CSMD3: variants seen among roughly 807,000 people sequenced by gnomAD.
CSMD3 encodes CUB and Sushi multiple domains 3.
A neutral mutation model predicts 435.2 loss-of-function variants in CSMD3; 177 were observed. The observed-to-expected ratio is 0.41, with a 90% CI of 0.36 to 0.46. CSMD3 has a LOEUF of 0.46. Ranked by LOEUF, CSMD3 falls within the 20% of genes least tolerant of loss-of-function variation. The probability of loss-of-function intolerance (pLI) is 0.34; values close to 1 mark genes in which losing one functional copy is unlikely to be tolerated. For missense variants in CSMD3, 4,265 were observed against 4,504.6 expected, an observed-to-expected ratio of 0.95 and a Z score of 1.52; for synonymous variants, 1,656 against 1,520.5, an observed-to-expected ratio of 1.09 and a Z score of -2.07.
chr8:113,290,090 T>C (rs1253358275), intron 2 of CSMD3, among the ~76,000 whole-genome samples: 6 of 151,762 alleles, frequency 4.0e-5, no homozygotes, highest in Non-Finnish European at 7.4e-5. Context: ...TAAATAATCT[T>C]TGTGATATGT....
chr8:112,394,624 A>G (rs1235849573), intron 35 of CSMD3, among the ~76,000 whole-genome samples: 4 of 152,076 alleles, frequency 2.6e-5, no homozygotes, highest in African/African-American at 7.2e-5. Flanking sequence ...TTGCTCACCA[A>G]CAAGAAAGAC....
rs767128581 is a variant in CSMD3, at chr8:113,278,673, T to A, written c.433A>T (p.Thr145Ser). 14 of 1,591,216 alleles carry A rather than the reference T, an allele frequency of 8.8e-6. No homozygotes were observed. The highest frequency in any genetic ancestry group is 1.2e-5 in the Non-Finnish European group (14 of 1,159,684). ...LTGFHLPPPV[T>S]STKSVFSLRL... is the part of the protein sequence containing the mutation. ...AGTGAGAACACAGATTTGGTACTTG[T>A]CACTGGAGGTGGCAGATGGAATCCT... Residue 145 changes from threonine (T) to serine (S), a missense_variant, in exon 3 of 71, where the codon ACA (threonine) becomes TCA (serine). By Grantham distance (58) the Thr-to-Ser change is moderately conservative. Coordinates refer to ENST00000297405, the MANE Select transcript of CSMD3 (RefSeq NM_198123.2).
rs184043781 is a variant in CSMD3, at chr8:112,781,933, A to G, written c.1972+18229T>C. Among the ~76,000 whole-genome samples, 589 of 152,286 alleles carry G rather than the reference A, an allele frequency of 3.9e-3. 17 individuals carry two copies. The highest frequency in any genetic ancestry group is 0.036 in the Admixed American group (543 of 15,280). ...ACAAAATACTTAATCACAATACTCA[A>G]TGCTTTTTGATTACTTGGAAAGTCT... On this transcript the variant is annotated intron_variant, in intron 13 of 70. Transcript: ENST00000297405.
At chr8:112,487,137 G>A (rs925586328) in intron 31 of CSMD3, among the ~76,000 whole-genome samples, 2 of 152,130 alleles carry the variant, frequency 1.3e-5, no homozygotes, top group Non-Finnish European at 2.9e-5. Flanking sequence ...ATTTACATTT[G>A]AAAGTTATGA....
chr8:112,986,075 CT>C (rs2085244044), intron 6 of CSMD3, among the ~76,000 whole-genome samples: 1 of 152,122 alleles, frequency 6.6e-6, no homozygotes, highest in African/African-American at 2.4e-5. Flanking sequence ...CATTTAACTG[CT>C]TCAACCACAT....
intron 36 of CSMD3, among the ~76,000 whole-genome samples, chr8:112,384,556 A>G (rs1482903421): frequency 6.6e-6 from 1 of 152,200 alleles, no homozygotes; most frequent in African/African-American, 2.4e-5. Flanking sequence ...AACTTTATTA[A>G]AAGTTTTTTA....
chr8:112,433,213 CTT>C (rs991221702), intron 32 of CSMD3, among the ~76,000 whole-genome samples: 49 of 150,944 alleles, frequency 3.2e-4, no homozygotes, highest in African/African-American at 1.1e-3. Context: ...GACAGAATAA[CTT>C]AGCATTGCAA....
chr8:112,862,062 T>C (rs532816317), intron 10 of CSMD3, among the ~76,000 whole-genome samples: 31 of 151,982 alleles, frequency 2.0e-4, no homozygotes, highest in Non-Finnish European at 3.5e-4. Context: ...TTCATAAATA[T>C]GTTTCACAGT....
chr8:112,636,852 C>A lies in CSMD3; in HGVS notation c.3680G>T (p.Arg1227Leu). 6.2e-7 allele frequency: 1 copy of A among 1,613,232 alleles called. No individual in the cohort carries two copies. The highest frequency in any genetic ancestry group is 8.5e-7 in the Non-Finnish European group (1 of 1,179,632). Reference protein sequence around the residue: ...TSEIICLGGGRRVWSAPLPRC... With the variant: ...TSEIICLGGGLRVWSAPLPRC... ...TGGCAGAGGTGCACTCCACACTCGT[C>A]GGCCACCACCAAGACAGATGATCTC... The change falls in exon 22 of 71, where the codon CGA (arginine) becomes CTA (leucine). Residue 1227 changes from arginine (R) to leucine (L), a missense_variant. Arg to Leu is a moderately radical substitution (Grantham distance 102). This residue lies in a region of CSMD3 where 3,255 missense variants were observed against 3,380.2 expected (regional missense o/e 0.96). Transcript: ENST00000297405.
At chr8:112,502,678 T>TG (rs2130909122) in intron 30 of CSMD3, among the ~76,000 whole-genome samples, 4 of 152,114 alleles carry the variant, frequency 2.6e-5, no homozygotes, top group African/African-American at 9.6e-5. Context: ...TTTGATTTTT[T>TG]AAAGTAAGAA....
intron 32 of CSMD3, among the ~76,000 whole-genome samples, chr8:112,456,115 GA>G (rs1217681606): frequency 9.2e-5 from 14 of 151,676 alleles, no homozygotes; most frequent in South Asian, 2.1e-4. Flanking sequence ...TTGGAAGCCG[GA>G]AAAAAAATGT....
rs150619272 is a variant in CSMD3, at chr8:112,563,686, T to A, written c.4043-6732A>T. On this transcript the variant is annotated intron_variant, in intron 24 of 70. Coordinates refer to ENST00000297405, the MANE Select transcript of CSMD3 (RefSeq NM_198123.2). Reference sequence around the variant, plus strand: ...AATCTAAATATATCCAGAAATTGAATTTTATTAGATATTGCCAAATTAATC... The same window carrying A: ...AATCTAAATATATCCAGAAATTGAAATTTATTAGATATTGCCAAATTAATC... Among the ~76,000 whole-genome samples, 41 of 152,112 alleles carry A rather than the reference T, an allele frequency of 2.7e-4. No individual in the cohort carries two copies. The East Asian group carries it at 7.8e-3, about 29-fold the overall frequency.
chr8:112,876,462 G>C (rs2446467), intron 10 of CSMD3, among the ~76,000 whole-genome samples: 2 of 151,976 alleles, frequency 1.3e-5, no homozygotes, highest in African/African-American at 4.8e-5. Flanking sequence ...ATCCAGCAGC[G>C]TTATCAAAAA....
At chr8:113,122,941 CA>C (rs201873549) in intron 4 of CSMD3, among the ~76,000 whole-genome samples, 403 of 136,430 alleles carry the variant, frequency 3.0e-3, no homozygotes, top group African/African-American at 4.0e-3. Flanking sequence ...GGAAATAAGG[CA>C]AAAAAAAAAA....
chr8:113,128,562 A>C (rs2091203004), intron 4 of CSMD3, among the ~76,000 whole-genome samples: 2 of 152,124 alleles, frequency 1.3e-5, no homozygotes, highest in Non-Finnish European at 1.5e-5. Flanking sequence ...GAGAAGGAAG[A>C]CCTAGATGCA....
intron 30 of CSMD3, among the ~76,000 whole-genome samples, chr8:112,501,077 A>G (rs1270234711): frequency 5.9e-5 from 9 of 151,854 alleles, no homozygotes; most frequent in Middle Eastern, 3.4e-3. Flanking sequence ...CTCTCTTACG[A>G]AACAGAGAGA....
At chr8:113,387,667 G>A (rs1260136302) in intron 1 of CSMD3, among the ~76,000 whole-genome samples, 1 of 150,956 alleles carries the variant, frequency 6.6e-6, no homozygotes, top group Admixed American at 6.6e-5. Context: ...GGAGGATCCA[G>A]AAAGAAAAAG....
intron 2 of CSMD3, among the ~76,000 whole-genome samples, chr8:113,300,176 A>AAAAAAAC (rs1554602392): frequency 6.7e-6 from 1 of 149,516 alleles, no homozygotes; most frequent in African/African-American, 2.5e-5. Context: ...AAAAAAAAAA[A>AAAAAAAC]AACAACAGAT....
At chr8:113,285,871 C>A (rs1367723307) in intron 2 of CSMD3, among the ~76,000 whole-genome samples, 1 of 152,100 alleles carries the variant, frequency 6.6e-6, no homozygotes, top group Non-Finnish European at 1.5e-5. Flanking sequence ...CATTTTGATA[C>A]ATTTAGTTTC....
Sources: gnomAD v4.1 joint callset for allele counts (sites outside exome capture counted in the v4.1 genomes callset) on GRCh38, gnomAD v4.1.1 for gene constraint, gnomAD v4.1.1 regional missense constraint, MANE v1.5 for transcripts, NCBI Gene and HGNC (gene_info 2026-07-23, HGNC 2026-07-21) for gene names.